RAD51B: variants seen among roughly 807,000 people sequenced by gnomAD.
RAD51B encodes the protein DNA repair protein RAD51 homolog 2.
Under a neutral mutation model 42.2 loss-of-function variants are expected in RAD51B, and 38 were observed. That is an observed-to-expected ratio of 0.90 (90% CI 0.70 to 1.18). The LOEUF is 1.18. Among genes scored for constraint, RAD51B ranks in the 50% most tolerant of loss-of-function variants. The pLI is 0.00. For synonymous variants in RAD51B, 154 were observed against 145.2 expected (o/e 1.06, Z -0.43); for missense variants, 373 against 400.7 (o/e 0.93, Z 0.59).
At chr14:67,836,872 T>C (rs1594976207) in intron 4 of RAD51B, among the ~76,000 whole-genome samples, 1 of 152,214 alleles carries the variant, frequency 6.6e-6, no homozygotes, top group African/African-American at 2.4e-5. Context: ...ACAATGTTTA[T>C]CAATACACTC....
intron 7 of RAD51B, among the ~76,000 whole-genome samples, chr14:67,926,558 CTTTT>C (rs534207569): frequency 2.3e-5 from 2 of 85,112 alleles, no homozygotes; most frequent in South Asian, 8.4e-4. Context: ...GATATGTTTC[CTTTT>C]TTTTTTTTTT....
At chr14:67,862,338 A>G (rs1181282610) in intron 4 of RAD51B, among the ~76,000 whole-genome samples, 2 of 152,090 alleles carry the variant, frequency 1.3e-5, no homozygotes, top group Admixed American at 1.3e-4. Context: ...ATCGTGGTAG[A>G]AATTCATCAA....
intron 9 of RAD51B, among the ~76,000 whole-genome samples, chr14:68,428,129 C>T (rs540764634): frequency 1.3e-5 from 2 of 152,234 alleles, no homozygotes; most frequent in South Asian, 4.1e-4. Context: ...TTCCAGCATA[C>T]AGGACTATGA....
downstream of RAD51B, among the ~76,000 whole-genome samples, chr14:68,597,257 A>G (rs775454738): frequency 2.6e-5 from 4 of 152,180 alleles, no homozygotes; most frequent in Non-Finnish European, 5.9e-5. Flanking sequence ...TGGGGGAACC[A>G]TACCCAGTGG....
chr14:68,015,813 A>C (rs1305382218), intron 7 of RAD51B, among the ~76,000 whole-genome samples: 1 of 152,128 alleles, frequency 6.6e-6, no homozygotes, highest in African/African-American at 2.4e-5. Context: ...AAGAGGACAA[A>C]ATTTTTGATA....
chr14:68,247,556 T>G (rs1437722293), intron 7 of RAD51B, among the ~76,000 whole-genome samples: 1 of 152,220 alleles, frequency 6.6e-6, no homozygotes, highest in Non-Finnish European at 1.5e-5. Context: ...CAGTTCAGAT[T>G]CCCTGTAATT....
At chr14:68,356,550 A>G (rs1013324538) in intron 8 of RAD51B, among the ~76,000 whole-genome samples, 2 of 151,460 alleles carry the variant, frequency 1.3e-5, no homozygotes, top group Admixed American at 1.3e-4. Context: ...TAATTGCTAA[A>G]AAAAAAAATG....
downstream of RAD51B, among the ~76,000 whole-genome samples, chr14:68,613,664 C>T (rs1314398808): frequency 2.6e-5 from 4 of 151,950 alleles, no homozygotes; most frequent in Non-Finnish European, 5.9e-5. Context: ...CCGTGTTAGC[C>T]AGGATGGTCT....
At chr14:68,406,580 T>C (rs4902577) in intron 8 of RAD51B, among the ~76,000 whole-genome samples, 28,899 of 152,098 alleles carry the variant, frequency 0.19, 2,967 homozygotes, top group East Asian at 0.4. Context: ...TGAATGAACA[T>C]GAAGGCCTAG....
chr14:68,522,968 T>C (rs1358328316), intron 10 of RAD51B, among the ~76,000 whole-genome samples: 2 of 152,224 alleles, frequency 1.3e-5, no homozygotes, highest in South Asian at 2.1e-4. Flanking sequence ...GGAATGCATT[T>C]GATGTTGAAC....
intron 7 of RAD51B, among the ~76,000 whole-genome samples, chr14:68,159,284 T>C (rs1228206673): frequency 6.6e-6 from 1 of 152,064 alleles, no homozygotes; most frequent in East Asian, 1.9e-4. Context: ...ATTTAAAAAA[T>C]TGATTAAAAA....
At chr14:68,247,212 A>G (rs147501753) in intron 7 of RAD51B, among the ~76,000 whole-genome samples, 2,932 of 152,082 alleles carry the variant, frequency 0.019, 101 homozygotes, top group African/African-American at 0.067. Context: ...ATTCACCAGC[A>G]TTTTGGGGGA....
At chr14:68,654,859 G>A (rs369698647) in intron 11 of RAD51B, among the ~76,000 whole-genome samples, 7 of 152,232 alleles carry the variant, frequency 4.6e-5, no homozygotes, top group East Asian at 1.9e-4. Flanking sequence ...TCCCACTGCC[G>A]TTCATGCTCC....
At chr14:68,539,620 G>T (rs1424294250) in intron 10 of RAD51B, among the ~76,000 whole-genome samples, 2 of 152,194 alleles carry the variant, frequency 1.3e-5, no homozygotes, top group African/African-American at 4.8e-5. Flanking sequence ...TAGCAGCAGG[G>T]TCAGGGCAGG....
chr14:68,639,101 G>C lies in RAD51B; in HGVS notation c.1037-11680G>C, dbSNP rs951026184. Among the ~76,000 whole-genome samples, 6 of 152,172 alleles carry C rather than the reference G, an allele frequency of 3.9e-5. No homozygotes were observed. In the East Asian group the frequency reaches 1.2e-3, roughly 29 times the overall value. The stretch of plus-strand genomic sequence containing the variant: ...TGAGGTGTAGGGTGGAGCTTCCTTG[G>C]GGGAGGGGAGAGCCCAAGAACACAA... On this transcript the variant is annotated intron_variant, in intron 10 of 11. Transcript: ENST00000488612.
In RAD51B at chr14:67,960,097, G is replaced by A. The variant is rs530983811; in HGVS notation, c.756+72893G>A. Among the ~76,000 whole-genome samples the A allele has an allele frequency of 1.9e-3, 284 of 145,722 alleles. 1 individual carries two copies. The highest frequency in any genetic ancestry group is 7.2e-3 in the African/African-American group (271 of 37,810). Reference sequence around the variant, plus strand: ...AAGACTCCATCTCAAAAAAAAAAAAGAAGTGTGTGTGTATGTTTGTGTGTG... The same window carrying A: ...AAGACTCCATCTCAAAAAAAAAAAAAAAGTGTGTGTGTATGTTTGTGTGTG... On this transcript the variant is annotated intron_variant, in intron 7 of 10. Transcript: ENST00000471583.
At chr14:68,534,154 T>G (rs1887477238) in intron 10 of RAD51B, among the ~76,000 whole-genome samples, 1 of 152,160 alleles carries the variant, frequency 6.6e-6, no homozygotes, top group Non-Finnish European at 1.5e-5. Context: ...GTGGTCGGCG[T>G]ATAACAATTG....
chr14:68,106,000 C>T (rs1286118609), intron 7 of RAD51B, among the ~76,000 whole-genome samples: 1 of 151,786 alleles, frequency 6.6e-6, no homozygotes, highest in Non-Finnish European at 1.5e-5. Context: ...AGTGTTATTG[C>T]GGTGTTTTAA....
intron 7 of RAD51B, among the ~76,000 whole-genome samples, chr14:68,118,725 C>T (rs2077591726): frequency 6.6e-6 from 1 of 152,078 alleles, no homozygotes; most frequent in Admixed American, 6.6e-5. Context: ...ATTTTAAAAT[C>T]TTCATTATGA....
Sources: allele counts gnomAD v4.1 joint callset (sites outside exome capture counted in the v4.1 genomes callset), GRCh38; gene constraint gnomAD v4.1.1; transcripts MANE v1.5; gene names NCBI Gene and HGNC (gene_info 2026-07-23, HGNC 2026-07-21).